Variants in SLC17A1 observed in about 807,000 individuals in gnomAD.
SLC17A1 encodes solute carrier family 17 member 1.
In SLC17A1, 51 loss-of-function variants were observed where a neutral mutation model predicts 53.5. The ratio of observed to expected loss-of-function variants is 0.95; its 90% confidence interval spans 0.76 to 1.20. SLC17A1 has a LOEUF of 1.20. SLC17A1 is among the 50% of genes most tolerant of loss of function. SLC17A1 has a pLI of 0.00. For missense variants in SLC17A1, 538 were observed against 568.2 expected (o/e 0.95, Z 0.54); for synonymous variants, 179 against 198.8 (o/e 0.90, Z 0.84).
intron 12 of SLC17A1, among the ~76,000 whole-genome samples, chr6:25,792,986 C>T (rs1285664882): frequency 1.3e-5 from 2 of 152,174 alleles, no homozygotes; most frequent in African/African-American, 2.4e-5. Context: ...AATCATTGAT[C>T]AGGAAAGTCA....
chr6:25,761,999 G>T, the SLC17A1 span: 844 of 1,613,886 alleles, frequency 5.2e-4, 2 homozygotes, highest in Middle Eastern at 2.3e-3. Flanking sequence ...TACAGTGGGG[G>T]ACATTTCCAG....
rs372905364 is a variant in SLC17A1, at chr6:25,819,954, A to T, written c.208-39T>A. ...GGGGACATGTCGAATCACTCTGCAT[A>T]TCAGAAATTTACTGTGACATTTAGG... On this transcript the variant is annotated intron_variant, in intron 3 of 12. Transcript: ENST00000244527. 4.4e-6 allele frequency: 6 copies of T among 1,372,040 alleles called. No homozygotes were observed. In the African/African-American group the frequency reaches 7.2e-5, roughly 17 times the overall value. 85.0% of individuals were successfully genotyped at this position (1,372,040 alleles called of 1,614,324 possible).
chr6:25,819,182 T>C, intron 5 of SLC17A1, 28 bp from the exon 6 acceptor site: 1 of 1,469,548 alleles, frequency 6.8e-7, no homozygotes, highest in Non-Finnish European at 9.3e-7. Flanking sequence ...AGAACACCCC[T>C]AATTAATGCA....
Position 25,813,167 on chromosome 6 carries a change from A to G in SLC17A1, c.663T>C (p.Tyr221=). The G allele has an allele frequency of 1.2e-6, 2 of 1,614,198 alleles. No homozygotes were observed. Among genetic ancestry groups the G allele is most frequent in the African/African-American group, 2.7e-5 (2 of 75,058 alleles). The change falls in exon 7 of 13, where the codon TAT becomes TAC. Residue 221 remains tyrosine (Y), a synonymous_variant. Coordinates refer to ENST00000244527, the MANE Select transcript of SLC17A1 (RefSeq NM_005074.5). ...AVCLLWFVLF[Y]DDPKDHPCIS... is the part of the protein sequence containing the mutation. ...TACATGGGTGGTCTTTGGGGTCATC[A>G]TAAAACAGAACGAACCAGAGAAGAC...
the SLC17A1 span, among the ~76,000 whole-genome samples, chr6:25,733,030 G>T: frequency 6.6e-6 from 1 of 152,168 alleles, no homozygotes; most frequent in East Asian, 1.9e-4. Flanking sequence ...ACAGGACTCA[G>T]AACAGTTCTG....
chr6:25,737,541 C>G, the SLC17A1 span, among the ~76,000 whole-genome samples: 1 of 152,110 alleles, frequency 6.6e-6, no homozygotes, highest in African/African-American at 2.4e-5. Flanking sequence ...TAAACTGTTT[C>G]TCTATTGCAA....
At chr6:25,757,016 C>G in the SLC17A1 span, among the ~76,000 whole-genome samples, 1 of 152,220 alleles carries the variant, frequency 6.6e-6, no homozygotes, top group African/African-American at 2.4e-5. Flanking sequence ...CTCATTTTAC[C>G]AAGTTTCTTT....
At chr6:25,774,824 G>A in the SLC17A1 span, among the ~76,000 whole-genome samples, 2 of 152,188 alleles carry the variant, frequency 1.3e-5, no homozygotes, top group South Asian at 2.1e-4. Context: ...ATTGCCTTCA[G>A]GGCATTTTCT....
At chr6:25,811,158 T>C (rs1232023667) in intron 10 of SLC17A1, among the ~76,000 whole-genome samples, 1 of 152,186 alleles carries the variant, frequency 6.6e-6, no homozygotes, top group East Asian at 1.9e-4. Context: ...AGAGATCTAT[T>C]GTATAACACA....
At chr6:25,808,513 T>A (rs1299791682) in intron 10 of SLC17A1, among the ~76,000 whole-genome samples, 10 of 151,832 alleles carry the variant, frequency 6.6e-5, no homozygotes, top group Admixed American at 6.6e-4. Flanking sequence ...AGAATTTTTT[T>A]TAAAAAAATT....
the SLC17A1 span, chr6:25,731,685 T>C: frequency 1.2e-6 from 1 of 824,506 alleles, no homozygotes; most frequent in Non-Finnish European, 1.8e-6. Flanking sequence ...AGGCATACTC[T>C]ATAATAAAAT....
the SLC17A1 span, chr6:25,732,015 T>C: frequency 1.3e-6 from 2 of 1,529,368 alleles, no homozygotes; most frequent in African/African-American, 1.4e-5. Flanking sequence ...AGTGTCCGCG[T>C]GGACCTGCTT....
intron 12 of SLC17A1, 39 bp from the exon 13 acceptor site, chr6:25,783,257 A>G (rs1763305878): frequency 6.6e-6 from 1 of 152,136 alleles, no homozygotes; most frequent in Non-Finnish European, 1.5e-5. Context: ...GTGCACACAA[A>G]TGTCATTTGT....
the SLC17A1 span, among the ~76,000 whole-genome samples, chr6:25,749,010 C>T: frequency 6.6e-6 from 1 of 152,280 alleles, no homozygotes; most frequent in South Asian, 2.1e-4. Context: ...TTCCTCTTAT[C>T]TCAACTGCAA....
chr6:25,750,735 C>A, the SLC17A1 span, among the ~76,000 whole-genome samples: 3 of 151,784 alleles, frequency 2.0e-5, no homozygotes, highest in Non-Finnish European at 4.4e-5. Flanking sequence ...GAACTACCAA[C>A]CTGGATAAAG....
chr6:25,745,192 T>C, the SLC17A1 span, among the ~76,000 whole-genome samples: 1 of 152,186 alleles, frequency 6.6e-6, no homozygotes, highest in Non-Finnish European at 1.5e-5. Context: ...TAGTAATTCC[T>C]CTGAAGTTAT....
At chr6:25,791,838 T>C (rs527804065) in intron 12 of SLC17A1, among the ~76,000 whole-genome samples, 1 of 152,338 alleles carries the variant, frequency 6.6e-6, no homozygotes, top group Admixed American at 6.5e-5. Context: ...GAAATAGGCC[T>C]GTGAAGTGAC....
chr6:25,730,428 C>A, the SLC17A1 span, among the ~76,000 whole-genome samples: 1 of 152,178 alleles, frequency 6.6e-6, no homozygotes, highest in East Asian at 1.9e-4. Flanking sequence ...GCTGTATGAT[C>A]TCATAAGTGG....
the SLC17A1 span, chr6:25,770,952 C>T: frequency 1.4e-4 from 232 of 1,613,894 alleles, no homozygotes; most frequent in African/African-American, 1.3e-3. Flanking sequence ...CTTCATTGTT[C>T]TACTTGCTGG....
Sources: allele counts gnomAD v4.1 joint callset (sites outside exome capture counted in the v4.1 genomes callset), GRCh38; gene constraint gnomAD v4.1.1; transcripts MANE v1.5; gene names NCBI Gene and HGNC (gene_info 2026-07-23, HGNC 2026-07-21).